Variants in CTPS2 observed in about 807,000 individuals in gnomAD.
CTPS2 encodes CTP synthase II.
A neutral mutation model predicts 46.8 loss-of-function variants in CTPS2; 19 were observed. That is an observed-to-expected ratio of 0.41 (90% CI 0.28 to 0.60). CTPS2 has a LOEUF of 0.60. CTPS2 is among the 20% of genes least tolerant of loss of function. CTPS2 has a pLI of 0.35. For synonymous variants in CTPS2, 151 were observed against 165.2 expected, an observed-to-expected ratio of 0.91 and a Z score of 0.66; for missense variants, 286 against 447.6, an observed-to-expected ratio of 0.64 and a Z score of 3.26.
intron 1 of CTPS2, among the ~76,000 whole-genome samples, chrX:16,710,224 C>T (rs1925372415): frequency 8.9e-6 from 1 of 112,408 alleles, no homozygotes; most frequent in Admixed American, 9.5e-5. Flanking sequence ...AACGCTACAA[C>T]AGAGAGGCCA....
intron 16 of CTPS2, among the ~76,000 whole-genome samples, chrX:16,613,141 G>A (rs966126312): frequency 2.7e-5 from 3 of 112,179 alleles, no homozygotes; most frequent in African/African-American, 9.7e-5. Flanking sequence ...GAGCTAAGAC[G>A]GAGAAAGAAG....
chrX:16,697,357 T>C (rs1042705020), intron 4 of CTPS2, among the ~76,000 whole-genome samples: 1 of 109,359 alleles, frequency 9.1e-6, no homozygotes, highest in African/African-American at 3.3e-5. Flanking sequence ...AGGATATGGA[T>C]GTTATTGTCA....
Position 16,590,890 on chromosome X carries a change from A to G in CTPS2, c.1692-28T>C, listed in dbSNP as rs763870445. 11 of 1,056,567 alleles carry G rather than the reference A, an allele frequency of 1.0e-5. No individual in the cohort carries two copies. The Admixed American group carries it at 2.4e-4, about 23-fold the overall frequency. The allele number at this position is 1,056,567 out of a possible 1,213,427, so 87.1% of individuals were successfully genotyped here. On this transcript the variant is annotated intron_variant, in intron 17 of 18. Coordinates refer to ENST00000359276, the MANE Select transcript of CTPS2 (RefSeq NM_175859.3). ...AGATTAAAAGAGGAACTAATTTAGC[A>G]AGGTATAAAAAAAAAACCTGGACAA...
intron 10 of CTPS2, among the ~76,000 whole-genome samples, chrX:16,677,090 G>A (rs1464097600): frequency 1.8e-5 from 2 of 108,908 alleles, no homozygotes; most frequent in East Asian, 5.7e-4. Flanking sequence ...AAGAGGGATG[G>A]GTAACGTAAA....
At chrX:16,607,790 G>A (rs1364956114) in intron 17 of CTPS2, among the ~76,000 whole-genome samples, 10 of 112,926 alleles carry the variant, frequency 8.9e-5, no homozygotes, top group Non-Finnish European at 1.9e-4. Flanking sequence ...TCTGGTTATT[G>A]TGGTAATAAC....
chrX:16,608,098 G>A (rs969268047), intron 17 of CTPS2, among the ~76,000 whole-genome samples: 11 of 109,189 alleles, frequency 1.0e-4, no homozygotes, highest in Admixed American at 4.9e-4. Context: ...CTGTAGTCCC[G>A]GCTACTTGGG....
chrX:16,636,711 T>A (rs1399727199), intron 14 of CTPS2, among the ~76,000 whole-genome samples: 1 of 110,980 alleles, frequency 9.0e-6, no homozygotes, highest in Non-Finnish European at 1.9e-5. Flanking sequence ...GATCACGAGG[T>A]CAGGAGATCA....
intron 13 of CTPS2, among the ~76,000 whole-genome samples, chrX:16,663,724 A>G (rs945114523): frequency 1.8e-5 from 2 of 111,598 alleles, no homozygotes; most frequent in African/African-American, 6.5e-5. Flanking sequence ...AAAGAAATGG[A>G]TCAAAGTAGT....
chrX:16,668,975 C>T (rs1359565997), intron 11 of CTPS2, among the ~76,000 whole-genome samples: 1 of 111,467 alleles, frequency 9.0e-6, no homozygotes, highest in Non-Finnish European at 1.9e-5. Flanking sequence ...TTTCCCACTC[C>T]TTCTCATGGT....
Position 16,684,508 on chromosome X carries a change from C to CA in CTPS2, c.873-1283_873-1282insT, listed in dbSNP as rs1569229222. On this transcript the variant is annotated intron_variant, in intron 8 of 18. Coordinates refer to ENST00000359276, the MANE Select transcript of CTPS2 (RefSeq NM_175859.3). ...TAGGCCACAGAGCGAGACTCTGTCT[C>CA]CAAAAAAAAAAAAAAAAAAACAAAA... is the stretch of plus-strand genomic sequence containing the variant. 1.4e-3 allele frequency among the ~76,000 whole-genome samples: 110 copies of CA among 76,629 alleles called. 1 individual carries two copies. Among genetic ancestry groups the CA allele is most frequent in the African/African-American group, 6.8e-3 (98 of 14,433 alleles). 66.5% of individuals were successfully genotyped at this position (76,629 alleles called of 115,157 possible).
intron 13 of CTPS2, among the ~76,000 whole-genome samples, chrX:16,667,188 G>A (rs1316626251): frequency 1.0e-5 from 1 of 99,706 alleles, no homozygotes; most frequent in Non-Finnish European, 2.0e-5. Flanking sequence ...GCTGGAGTGC[G>A]GTGGCATGAT....
At chrX:16,676,225 G>C (rs955589553) in intron 10 of CTPS2, among the ~76,000 whole-genome samples, 1 of 111,925 alleles carries the variant, frequency 8.9e-6, no homozygotes, top group Non-Finnish European at 1.9e-5. Flanking sequence ...GTAAAGAATC[G>C]AACTTGAATT....
intron 1 of CTPS2, among the ~76,000 whole-genome samples, chrX:16,709,848 C>CAAAAAAAAAAAAAAAAAAA: frequency 4.2e-5 from 1 of 23,752 alleles, no homozygotes; most frequent in Non-Finnish European, 6.7e-5. Flanking sequence ...ACTCTGTCTC[C>CAAAAAAAAAAAAAAAAAAA]AAAAAAAAAA....
chrX:16,678,477 A>G (rs758703200), intron 9 of CTPS2, 27 bp from the exon 10 acceptor site: 3 of 978,425 alleles, frequency 3.1e-6, no homozygotes, highest in African/African-American at 3.8e-5. Context: ...AGATAAAAGG[A>G]GTATTTAAGA....
intron 16 of CTPS2, among the ~76,000 whole-genome samples, chrX:16,612,862 A>G (rs750584533): frequency 8.7e-4 from 98 of 112,234 alleles, no homozygotes; most frequent in African/African-American, 3.2e-3. Flanking sequence ...TGTCCTCTGT[A>G]AAGTGGGAAT....
At chrX:16,670,558 G>A (rs201124161) in intron 11 of CTPS2, 22 bp downstream of exon 11, 612 of 1,121,756 alleles carry the variant, frequency 5.5e-4, no homozygotes, top group Non-Finnish European at 6.5e-4. Flanking sequence ...TCATAGTTAG[G>A]GTCAATAAAC....
intron 13 of CTPS2, among the ~76,000 whole-genome samples, chrX:16,649,823 T>C (rs1932515066): frequency 8.9e-6 from 1 of 112,453 alleles, no homozygotes; most frequent in South Asian, 3.6e-4. Flanking sequence ...AAGAAAGTTA[T>C]TTTTTAAAGC....
chrX:16,654,459 G>A, intron 13 of CTPS2: 3 of 1,204,369 alleles, frequency 2.5e-6, no homozygotes. Flanking sequence ...TGGAGATGGA[G>A]AAGTTAGTTT....
intron 1 of CTPS2, among the ~76,000 whole-genome samples, chrX:16,711,209 A>G (rs1191880491): frequency 8.9e-6 from 1 of 112,456 alleles, no homozygotes; most frequent in Non-Finnish European, 1.9e-5. Context: ...TCATGTTAAT[A>G]TATGTTATTT....
Sources: gnomAD v4.1 joint callset for allele counts (sites outside exome capture counted in the v4.1 genomes callset) on GRCh38, gnomAD v4.1.1 for gene constraint, MANE v1.5 for transcripts, NCBI Gene and HGNC (gene_info 2026-07-23, HGNC 2026-07-21) for gene names.